ZC3H11A: variants seen among roughly 807,000 people sequenced by gnomAD.
ZC3H11A encodes the protein zinc finger CCCH domain-containing protein 11A.
A neutral mutation model predicts 90.8 loss-of-function variants in ZC3H11A; 22 were observed. The observed-to-expected ratio is 0.24, with a 90% CI of 0.17 to 0.35. The LOEUF is 0.35. ZC3H11A is among the 10% of genes least tolerant of loss of function. The probability of loss-of-function intolerance (pLI) is 1.00; values close to 1 mark genes in which losing one functional copy is unlikely to be tolerated. For synonymous variants in ZC3H11A, 294 were observed against 339.8 expected (o/e 0.87, Z 1.48); for missense variants, 701 against 964.9 (o/e 0.73, Z 3.62).
At chr1:203,803,306 C>T (rs1289431617) in intron 2 of ZC3H11A, among the ~76,000 whole-genome samples, 1 of 152,038 alleles carries the variant, frequency 6.6e-6, no homozygotes, top group Admixed American at 6.6e-5. Context: ...GTTCTCCTGC[C>T]TCAGCCTCCT....
At chr1:203,845,307 AT>A (rs1320318241) in intron 12 of ZC3H11A, among the ~76,000 whole-genome samples, 1 of 152,098 alleles carries the variant, frequency 6.6e-6, no homozygotes, top group Non-Finnish European at 1.5e-5. Flanking sequence ...CTATGTCACC[AT>A]TCATGTTGTA....
At chr1:203,800,535 A>G (rs1303083938) in intron 1 of ZC3H11A, 5 of 1,357,818 alleles carry the variant, frequency 3.7e-6, no homozygotes, top group African/African-American at 1.5e-5. Flanking sequence ...GTTGTTAAAT[A>G]TAATCATTAT....
chr1:203,842,005 C>T (rs1489908760), intron 12 of ZC3H11A, among the ~76,000 whole-genome samples: 24 of 148,440 alleles, frequency 1.6e-4, no homozygotes, highest in South Asian at 4.3e-4. Context: ...CCAGACGGGG[C>T]GGCAGGGCAG....
Position 203,829,857 on chromosome 1 carries a change from G to T in ZC3H11A, c.580G>T (p.Val194Leu). 1 of 1,614,162 alleles carries T rather than the reference G, an allele frequency of 6.2e-7. No homozygotes were observed. Among genetic ancestry groups the T allele is most frequent in the Non-Finnish European group, 8.5e-7 (1 of 1,180,014 alleles). ...PTPEVHNGLRVTSVRKPAVNI... is the reference protein window; with the variant it reads ...PTPEVHNGLRLTSVRKPAVNI... ...TCCTGAAGTTCACAATGGATTACGAGTGACTTCTGTCCGGAAACCTGCAGT... is the reference window on the plus strand; with the variant it reads ...TCCTGAAGTTCACAATGGATTACGATTGACTTCTGTCCGGAAACCTGCAGT... The change falls in exon 7 of 18, where the codon GTG becomes TTG. Residue 194 changes from valine to leucine, a missense_variant. Transcript: ENST00000367210.
At chr1:203,825,804 A>ATT (rs200102832) in intron 4 of ZC3H11A, among the ~76,000 whole-genome samples, 28 of 150,090 alleles carry the variant, frequency 1.9e-4, no homozygotes, top group African/African-American at 6.8e-4. Flanking sequence ...GTCACTTGTG[A>ATT]TTTTTTTTTT....
chr1:203,837,561 AC>A (rs1455703467), intron 10 of ZC3H11A, among the ~76,000 whole-genome samples: 1 of 149,342 alleles, frequency 6.7e-6, no homozygotes, highest in Non-Finnish European at 1.5e-5. Flanking sequence ...TAGCCTTTCT[AC>A]CTCCTGGGCT....
chr1:203,840,605 A>ATTATTTATTTATTTATTTAT (rs534962124), intron 12 of ZC3H11A, among the ~76,000 whole-genome samples: 42 of 147,696 alleles, frequency 2.8e-4, no homozygotes, highest in African/African-American at 8.6e-4. Flanking sequence ...ATAGTAGGAA[A>ATTATTTATTTATTTATTTAT]TTATTTATTT....
intron 12 of ZC3H11A, 127 bp from the exon 13 acceptor site, chr1:203,847,057 A>T: frequency 1.0e-6 from 1 of 1,002,016 alleles, no homozygotes; most frequent in East Asian, 2.4e-5. Flanking sequence ...TACCCTTTTG[A>T]TCCTTTTAAT....
chr1:203,811,806 A>ATAGC (rs1196722025), intron 2 of ZC3H11A, among the ~76,000 whole-genome samples: 2 of 149,900 alleles, frequency 1.3e-5, no homozygotes, highest in Non-Finnish European at 3.0e-5. Flanking sequence ...AAGTATTCAG[A>ATAGC]TAGCTTTGTC....
At chr1:203,800,342 A>G (rs1004340202) in intron 1 of ZC3H11A, 1 of 893,878 alleles carries the variant, frequency 1.1e-6, no homozygotes, top group Non-Finnish European at 1.8e-6. Flanking sequence ...ATATAGAACA[A>G]CTGATGTTTC....
rs1340331344 is a variant in ZC3H11A, at chr1:203,828,281, T to G, written c.175-18T>G. On this transcript the variant is annotated intron_variant, in intron 4 of 17. Coordinates refer to ENST00000367210, the MANE Select transcript of ZC3H11A (RefSeq NM_001376342.1). ...ATCACTGTTTTATTTGAAAGCAATG[T>G]GTTTTTCCCTCTTACAGAAAAAACG... 6.2e-7 allele frequency: 1 copy of G among 1,613,942 alleles called. No homozygotes were observed. Among genetic ancestry groups the G allele is most frequent in the Admixed American group, 1.7e-5 (1 of 60,020 alleles).
intron 2 of ZC3H11A, among the ~76,000 whole-genome samples, chr1:203,808,304 A>G (rs1673068562): frequency 6.6e-6 from 1 of 152,204 alleles, no homozygotes; most frequent in African/African-American, 2.4e-5. Flanking sequence ...TGAGAAGTCT[A>G]ATAATGTCAA....
At chr1:203,830,323 G>A (rs1055752945) in intron 8 of ZC3H11A, 120 bp downstream of exon 8, 20 of 760,310 alleles carry the variant, frequency 2.6e-5, no homozygotes, top group Middle Eastern at 2.4e-4. Context: ...CCTGTTTGAA[G>A]TAAAACACAG....
intron 12 of ZC3H11A, among the ~76,000 whole-genome samples, chr1:203,846,650 A>G (rs956165747): frequency 2.6e-4 from 39 of 152,316 alleles, no homozygotes; most frequent in Admixed American, 2.4e-3. Context: ...TGTTCATTAC[A>G]TGTTTATAGC....
chr1:203,851,259 T>C (rs1304472340), intron 17 of ZC3H11A, 135 bp downstream of exon 17: 1 of 779,944 alleles, frequency 1.3e-6, no homozygotes, highest in Non-Finnish European at 2.0e-6. Context: ...TGCAAGAAAG[T>C]ATGAAAATCT....
At chr1:203,804,682 T>C (rs1294997809) in intron 2 of ZC3H11A, among the ~76,000 whole-genome samples, 6 of 151,648 alleles carry the variant, frequency 4.0e-5, no homozygotes, top group Admixed American at 3.9e-4. Context: ...ATCTTTTTTT[T>C]TTTTTTTGAT....
Position 203,849,726 on chromosome 1 carries a change from A to G in ZC3H11A, c.1639A>G (p.Thr547Ala), listed in dbSNP as rs566456693. ...TTATCCACAGGCTTCAGGTGAGACC[A>G]CAGGAGTTGACATCACTAAAATTCA... The part of the protein sequence containing the change: ...TEAKEASGET[T>A]GVDITKIQVK... Residue 547 changes from threonine to alanine, a missense_variant, in exon 15 of 18, where the codon ACA becomes GCA. Thr to Ala is a moderately conservative substitution (Grantham distance 58). Coordinates refer to ENST00000367210, the MANE Select transcript of ZC3H11A (RefSeq NM_001376342.1). 1 of 1,613,990 alleles carries G rather than the reference A, an allele frequency of 6.2e-7. No homozygotes were observed. The highest frequency in any genetic ancestry group is 1.1e-5 in the South Asian group (1 of 91,080).
chr1:203,851,774 A>G (rs190047324), intron 17 of ZC3H11A, among the ~76,000 whole-genome samples: 93 of 152,030 alleles, frequency 6.1e-4, no homozygotes, highest in Middle Eastern at 3.4e-3. Context: ...ACCAGCCTGG[A>G]CAACATAGTG....
At chr1:203,801,140 G>T (rs1670440729) in intron 1 of ZC3H11A, 1 of 152,064 alleles carries the variant, frequency 6.6e-6, no homozygotes, top group Non-Finnish European at 1.5e-5. Flanking sequence ...AGATTGTGTA[G>T]GTACTTTCAA....
Sources: allele counts gnomAD v4.1 joint callset (sites outside exome capture counted in the v4.1 genomes callset), GRCh38; gene constraint gnomAD v4.1.1; transcripts MANE v1.5; gene names NCBI Gene and HGNC (gene_info 2026-07-23, HGNC 2026-07-21).